Variants in CBLN2 observed in about 807,000 individuals in gnomAD.
The protein encoded by CBLN2 is cerebellin-2.
Under a neutral mutation model 15.0 loss-of-function variants are expected in CBLN2, and 7 were observed. The ratio of observed to expected loss-of-function variants is 0.47; its 90% CI spans 0.27 to 0.88. CBLN2 has a LOEUF of 0.88. Ranked by LOEUF, CBLN2 falls within the 40% of genes least tolerant of loss-of-function variation. CBLN2 has a pLI of 0.14. For synonymous variants in CBLN2, 149 were observed against 135.2 expected (o/e 1.10, Z -0.71); for missense variants, 242 against 304.5 (o/e 0.79, Z 1.53).
chr18:72,542,362 A>C (rs1039971767), intron 2 of CBLN2, 36 bp from the exon 3 acceptor site: 2 of 272,300 alleles, frequency 7.3e-6, no homozygotes, highest in African/African-American at 4.6e-5. Flanking sequence ...TTACACCGGG[A>C]GGTGGAGCCA....
At chr18:72,575,937 G>T (rs1009166647) in intron 1 of CBLN2, among the ~76,000 whole-genome samples, 1 of 152,130 alleles carries the variant, frequency 6.6e-6, no homozygotes, top group East Asian at 1.9e-4. Context: ...GTTTTTCCTG[G>T]AGTATAGCAC....
At chr18:72,556,574 C>T (rs1186761682) in intron 1 of CBLN2, among the ~76,000 whole-genome samples, 2 of 152,176 alleles carry the variant, frequency 1.3e-5, no homozygotes, top group Non-Finnish European at 2.9e-5. Flanking sequence ...GTGGTAATTG[C>T]TCAGCATAAA....
chr18:72,592,296 CT>C (rs1022992923), intron 1 of CBLN2, among the ~76,000 whole-genome samples: 26 of 148,824 alleles, frequency 1.7e-4, no homozygotes, highest in African/African-American at 1.5e-4. Flanking sequence ...ATCTGTATGT[CT>C]TTTTTTTTTA....
chr18:72,551,263 T>C (rs1393532271), intron 1 of CBLN2, among the ~76,000 whole-genome samples: 1 of 152,120 alleles, frequency 6.6e-6, no homozygotes, highest in African/African-American at 2.4e-5. Flanking sequence ...TCTATACATA[T>C]ATATGAAATG....
At chr18:72,593,947 G>A (rs1599015012) in intron 1 of CBLN2, among the ~76,000 whole-genome samples, 1 of 152,158 alleles carries the variant, frequency 6.6e-6, no homozygotes, top group Non-Finnish European at 1.5e-5. Flanking sequence ...GGAATATTAT[G>A]CAGCCATAAA....
At chr18:72,615,030 C>CAAGTAAATATATATATATATAT (rs2069647335) in intron 1 of CBLN2, among the ~76,000 whole-genome samples, 2 of 122,956 alleles carry the variant, frequency 1.6e-5, no homozygotes, top group African/African-American at 6.5e-5. Context: ...TTAAGGAGAT[C>CAAGTAAATATATATATATATAT]AAGTACATAT....
At position 72,538,771 on chromosome 18, in the gene CBLN2, A is replaced by G; in HGVS notation, c.359T>C (p.Val120Ala). The stretch of plus-strand genomic sequence containing the variant: ...AAAGTGGTTGCCAATATTTACTAAT[A>G]CCTGAAAAAGAAGAGGGAACACAGC... ...NRTMTIYFDQ[V>A]LVNIGNHFDL... The change falls in exon 4 of 5, where the codon GTA becomes GCA. Residue 120 changes from valine (V) to alanine (A), a missense_variant and splice_region_variant. This residue lies in a region of CBLN2 where 89 missense variants were observed against 114.2 expected (regional missense o/e 0.78). Transcript: ENST00000269503. 6.2e-7 allele frequency: 1 copy of G among 1,613,462 alleles called. No homozygotes were observed. The highest frequency in any genetic ancestry group is 8.5e-7 in the Non-Finnish European group (1 of 1,179,920).
intron 1 of CBLN2, among the ~76,000 whole-genome samples, chr18:72,573,743 G>A (rs2069346654): frequency 6.6e-6 from 1 of 152,178 alleles, no homozygotes; most frequent in African/African-American, 2.4e-5. Flanking sequence ...GGATAAAGCT[G>A]CTATAAGCAT....
chr18:72,570,772 G>A (rs1599004322), intron 1 of CBLN2, among the ~76,000 whole-genome samples: 1 of 152,122 alleles, frequency 6.6e-6, no homozygotes, highest in African/African-American at 2.4e-5. Flanking sequence ...TTTCCAGTAA[G>A]AGAGCTGCAA....
At position 72,618,549 on chromosome 18, in the gene CBLN2, T is replaced by C; in HGVS notation, c.15+19776A>G. 4.0e-6 allele frequency: 3 copies of C among 744,190 alleles called. 1 individual carries two copies. Among genetic ancestry groups the C allele is most frequent in the South Asian group, 4.0e-5 (3 of 75,000 alleles). 46.1% of individuals were successfully genotyped at this position (744,190 alleles called of 1,614,324 possible). A position where few individuals can be genotyped will look rare whatever the true frequency, so the allele number is the denominator to read the frequency against. On this transcript the variant is annotated intron_variant, in intron 1 of 2. Coordinates refer to the CBLN2 transcript ENST00000581073. ...AAAAAGCTGTCTCAAGAAAAGTTTC[T>C]CAAAGACCAGGTGTCCACTTAACTG...
chr18:72,590,997 G>A (rs975979820), intron 1 of CBLN2, among the ~76,000 whole-genome samples: 1 of 152,160 alleles, frequency 6.6e-6, no homozygotes, highest in African/African-American at 2.4e-5. Flanking sequence ...AAGATAAAGG[G>A]CTGCTGCTAT....
intron 1 of CBLN2, among the ~76,000 whole-genome samples, chr18:72,607,382 T>C (rs2069590125): frequency 6.6e-6 from 1 of 152,178 alleles, no homozygotes; most frequent in Non-Finnish European, 1.5e-5. Flanking sequence ...GAAATGCACA[T>C]GTGTTCATTT....
upstream of CBLN2, among the ~76,000 whole-genome samples, chr18:72,545,628 C>G (rs1188534633): frequency 6.6e-6 from 1 of 152,174 alleles, no homozygotes; most frequent in East Asian, 1.9e-4. Context: ...TAGTGTCTTA[C>G]TGTCAAAATA....
At chr18:72,554,170 T>A (rs1363528169) in intron 1 of CBLN2, among the ~76,000 whole-genome samples, 3 of 152,174 alleles carry the variant, frequency 2.0e-5, no homozygotes, top group African/African-American at 7.2e-5. Context: ...TTATTTGCTG[T>A]TTTCATTACC....
upstream of CBLN2, among the ~76,000 whole-genome samples, chr18:72,547,110 TCACACACACACA>T (rs36204454): frequency 3.5e-3 from 521 of 148,694 alleles, 3 homozygotes; most frequent in Middle Eastern, 0.014. Context: ...AAAGAAAGTG[TCACACACACACA>T]CACACACACA....
intron 1 of CBLN2, among the ~76,000 whole-genome samples, chr18:72,558,365 G>T (rs990142560): frequency 6.6e-6 from 1 of 152,090 alleles, no homozygotes; most frequent in Non-Finnish European, 1.5e-5. Flanking sequence ...CTGGGCACCC[G>T]GAAGCTCCAC....
chr18:72,608,523 A>T (rs1228191630), intron 1 of CBLN2, among the ~76,000 whole-genome samples: 2 of 152,178 alleles, frequency 1.3e-5, no homozygotes, highest in Non-Finnish European at 2.9e-5. Flanking sequence ...TATGGATTTC[A>T]CATTTTTCTA....
At chr18:72,615,347 G>A (rs1216724510) in intron 1 of CBLN2, among the ~76,000 whole-genome samples, 2 of 148,282 alleles carry the variant, frequency 1.3e-5, no homozygotes, top group African/African-American at 5.0e-5. Flanking sequence ...CACAACCTTG[G>A]CTCACTGCAA....
intron 1 of CBLN2, among the ~76,000 whole-genome samples, chr18:72,562,551 T>C (rs1219342909): frequency 6.6e-6 from 1 of 152,224 alleles, no homozygotes; most frequent in Non-Finnish European, 1.5e-5. Flanking sequence ...ATTTGACTGA[T>C]GTGGTTAGAC....
Sources: gnomAD v4.1 joint callset for allele counts (sites outside exome capture counted in the v4.1 genomes callset) on GRCh38, gnomAD v4.1.1 for gene constraint, gnomAD v4.1.1 regional missense constraint, MANE v1.5 for transcripts, NCBI Gene and HGNC (gene_info 2026-07-23, HGNC 2026-07-21) for gene names.